Variants in NKAIN3 observed in about 807,000 individuals in gnomAD.
The protein encoded by NKAIN3 is sodium/potassium-transporting ATPase subunit beta-1-interacting protein 3.
A neutral mutation model predicts 30.2 loss-of-function variants in NKAIN3; 25 were observed. That is an observed-to-expected ratio of 0.83 (90% CI 0.60 to 1.16). The LOEUF (loss-of-function observed/expected upper bound fraction) is 1.16, where lower values mean the gene tolerates loss of function less well. NKAIN3 is among the 50% of genes most tolerant of loss of function. The pLI, the probability that NKAIN3 is intolerant of heterozygous loss-of-function variation, is 0.00. For missense variants in NKAIN3, 225 were observed against 254.1 expected, an observed-to-expected ratio of 0.89 and a Z score of 0.78; for synonymous variants, 91 against 89.6, an observed-to-expected ratio of 1.02 and a Z score of -0.09.
chr8:62,289,477 C>A (rs1009698739), intron 1 of NKAIN3, among the ~76,000 whole-genome samples: 6 of 152,184 alleles, frequency 3.9e-5, no homozygotes, highest in African/African-American at 1.4e-4. Flanking sequence ...CCAGTTTTCC[C>A]AGCACCATTT....
chr8:62,295,592 C>T (rs761980602), intron 1 of NKAIN3, among the ~76,000 whole-genome samples: 3 of 152,030 alleles, frequency 2.0e-5, no homozygotes, highest in Admixed American at 6.6e-5. Context: ...TGTAGTATAG[C>T]GGTTTCTATT....
At chr8:62,958,346 G>A (rs1823479782) in intron 6 of NKAIN3, among the ~76,000 whole-genome samples, 1 of 152,132 alleles carries the variant, frequency 6.6e-6, no homozygotes, top group Non-Finnish European at 1.5e-5. Context: ...GTGATACACA[G>A]GTCAGGAGTC....
chr8:62,831,958 G>A (rs1266315052), intron 4 of NKAIN3, among the ~76,000 whole-genome samples: 9 of 151,984 alleles, frequency 5.9e-5, no homozygotes, highest in Non-Finnish European at 4.4e-5. Flanking sequence ...CTTAAAGGCA[G>A]CTTAAAAAAA....
intron 3 of NKAIN3, among the ~76,000 whole-genome samples, chr8:62,594,801 C>T (rs2130123354): frequency 6.6e-6 from 1 of 151,650 alleles, no homozygotes. Context: ...TCCTTCCTCC[C>T]TTCCTTTCTT....
At chr8:62,520,860 G>T (rs1380436866) in intron 1 of NKAIN3, among the ~76,000 whole-genome samples, 2 of 151,764 alleles carry the variant, frequency 1.3e-5, no homozygotes, top group African/African-American at 4.8e-5. Context: ...AAGTAACTTT[G>T]AGAGACAAGC....
rs148120732 is a variant in NKAIN3, at chr8:62,326,040, T to C, written c.54+76913T>C. ...TTAATTAGCTCCCATTTATTAGTTT[T>C]ATTAATTTTGTTACATTTATTATTA... On this transcript the variant is annotated intron_variant, in intron 1 of 6. Transcript: ENST00000623646. Among the ~76,000 whole-genome samples, 968 of 152,148 alleles carry C rather than the reference T, an allele frequency of 6.4e-3. 7 individuals carry two copies. The highest frequency in any genetic ancestry group is 0.011 in the Non-Finnish European group (752 of 67,924).
chr8:62,868,715 T>C (rs752044306), intron 4 of NKAIN3, among the ~76,000 whole-genome samples: 3 of 152,212 alleles, frequency 2.0e-5, no homozygotes, highest in Non-Finnish European at 2.9e-5. Flanking sequence ...GAAAATTGCA[T>C]GCATTCAACG....
chr8:62,570,369 T>A (rs1809892629), intron 1 of NKAIN3, among the ~76,000 whole-genome samples: 1 of 152,182 alleles, frequency 6.6e-6, no homozygotes. Context: ...TCATCATATA[T>A]GGGTGTATTA....
intron 3 of NKAIN3, among the ~76,000 whole-genome samples, chr8:62,639,254 T>C (rs1037517466): frequency 9.2e-5 from 14 of 152,058 alleles, no homozygotes; most frequent in African/African-American, 3.4e-4. Context: ...AAGAGAGTGT[T>C]GATGTGGAGG....
chr8:62,330,850 A>C (rs1815320745), intron 1 of NKAIN3, among the ~76,000 whole-genome samples: 3 of 151,696 alleles, frequency 2.0e-5, no homozygotes, highest in Admixed American at 6.6e-5. Context: ...CTGTATCCCT[A>C]CCAGGCCCAT....
chr8:62,373,694 T>C (rs1816979471), intron 1 of NKAIN3, among the ~76,000 whole-genome samples: 1 of 152,210 alleles, frequency 6.6e-6, no homozygotes, highest in African/African-American at 2.4e-5. Context: ...TACACATCTA[T>C]TGCACTGAAG....
intron 1 of NKAIN3, among the ~76,000 whole-genome samples, chr8:62,545,923 A>C (rs1311354044): frequency 2.0e-5 from 3 of 152,210 alleles, no homozygotes; most frequent in Non-Finnish European, 4.4e-5. Flanking sequence ...ATATATAAAC[A>C]TGCCCGTTTC....
In NKAIN3 at chr8:62,592,531, A is replaced by G. The variant is rs189898273; in HGVS notation, c.273+2737A>G. 1.7e-3 allele frequency among the ~76,000 whole-genome samples: 266 copies of G among 152,148 alleles called. 3 individuals carry two copies. The highest frequency in any genetic ancestry group is 5.9e-3 in the African/African-American group (245 of 41,542). On this transcript the variant is annotated intron_variant, in intron 3 of 6. Coordinates refer to ENST00000623646, the MANE Select transcript of NKAIN3 (RefSeq NM_001304533.3). ...TAACTAACTAAATAAAAATAATGCA[A>G]ACAGTAAGAAACCAAAGCAGATGTT...
intron 3 of NKAIN3, among the ~76,000 whole-genome samples, chr8:62,601,795 T>C (rs1810991523): frequency 6.6e-6 from 1 of 152,084 alleles, no homozygotes; most frequent in Non-Finnish European, 1.5e-5. Context: ...AATTATATTC[T>C]TTTAAAAAAT....
At chr8:62,814,008 T>C (rs1402790977) in intron 4 of NKAIN3, among the ~76,000 whole-genome samples, 3 of 152,106 alleles carry the variant, frequency 2.0e-5, no homozygotes, top group Non-Finnish European at 4.4e-5. Flanking sequence ...AAATCTGTTG[T>C]TAGTCTAATA....
intron 1 of NKAIN3, among the ~76,000 whole-genome samples, chr8:62,575,011 A>G (rs1383380849): frequency 6.6e-6 from 1 of 152,142 alleles, no homozygotes; most frequent in Non-Finnish European, 1.5e-5. Context: ...AACAGCTAGT[A>G]TCATACTGAA....
At chr8:62,902,396 G>A (rs939910234) in intron 4 of NKAIN3, among the ~76,000 whole-genome samples, 4 of 152,178 alleles carry the variant, frequency 2.6e-5, no homozygotes, top group Admixed American at 2.0e-4. Context: ...AGGTCAGCCT[G>A]AATAGATACA....
chr8:62,782,208 A>T (rs1014075427), intron 4 of NKAIN3, among the ~76,000 whole-genome samples: 10 of 152,098 alleles, frequency 6.6e-5, no homozygotes, highest in African/African-American at 2.2e-4. Flanking sequence ...TGCAAAAAAA[A>T]ACTACAATGA....
chr8:62,378,327 G>T (rs759258579), intron 1 of NKAIN3, among the ~76,000 whole-genome samples: 1 of 152,184 alleles, frequency 6.6e-6, no homozygotes, highest in Non-Finnish European at 1.5e-5. Flanking sequence ...AAAATTTTCA[G>T]CCTGACAATG....
Sources: allele counts gnomAD v4.1 joint callset (sites outside exome capture counted in the v4.1 genomes callset), GRCh38; gene constraint gnomAD v4.1.1; transcripts MANE v1.5; gene names NCBI Gene and HGNC (gene_info 2026-07-23, HGNC 2026-07-21).